PHACTR2: variants seen among roughly 807,000 people sequenced by gnomAD.
PHACTR2 encodes the protein phosphatase and actin regulator 2.
Under a neutral mutation model 76.0 loss-of-function variants are expected in PHACTR2, and 30 were observed. The observed-to-expected ratio is 0.39, with a 90% CI of 0.30 to 0.54. The LOEUF (loss-of-function observed/expected upper bound fraction) is 0.54. Ranked by LOEUF, PHACTR2 falls within the 20% of genes least tolerant of loss-of-function variation. The probability of loss-of-function intolerance (pLI) is 0.61; values close to 1 mark genes in which losing one functional copy is unlikely to be tolerated. For synonymous variants in PHACTR2, 292 were observed against 292.5 expected (o/e 1.00, Z 0.02); for missense variants, 696 against 781.1 (o/e 0.89, Z 1.30).
chr6:143,818,311 C>T lies in PHACTR2; in HGVS notation c.1923-5363C>T, dbSNP rs1375911609. On this transcript the variant is annotated intron_variant, in intron 12 of 12. Coordinates refer to ENST00000440869, the MANE Select transcript of PHACTR2 (RefSeq NM_001100164.2). The surrounding 1 kb of genome is among the most constrained non-coding windows in gnomAD (Gnocchi z 4.9). Reference sequence around the variant, plus strand: ...CTGAAATGTAGGTTAGGAAGACAGTCTGGAGCATAGCGCGTCCACTTACCA... The same window carrying T: ...CTGAAATGTAGGTTAGGAAGACAGTTTGGAGCATAGCGCGTCCACTTACCA... Among the ~76,000 whole-genome samples the T allele has an allele frequency of 6.6e-6, 1 of 152,164 alleles. No homozygotes were observed.
rs976359371 is a variant in PHACTR2, at chr6:143,760,728, C to T, written c.694+88C>T. On this transcript the variant is annotated intron_variant, in intron 5 of 12. Transcript: ENST00000440869. This position sits in a 1 kb window ranked among gnomAD's most constrained non-coding sequence, Gnocchi z 6.4. Reference sequence around the variant, plus strand: ...AATTGTTTCTTCTAGGTGTGATGGGCTTTTGGTGTCTTAGGACATTACACC... The same window carrying T: ...AATTGTTTCTTCTAGGTGTGATGGGTTTTTGGTGTCTTAGGACATTACACC... 3 of 1,440,452 alleles carry T rather than the reference C, an allele frequency of 2.1e-6. No homozygotes were observed. The highest frequency in any genetic ancestry group is 2.8e-6 in the Non-Finnish European group (3 of 1,066,392). The allele number at this position is 1,440,452 out of a possible 1,614,324, so 89.2% of individuals were successfully genotyped here.
intron 1 of PHACTR2, among the ~76,000 whole-genome samples, chr6:143,613,176 C>T (rs1417125066): frequency 2.0e-5 from 3 of 152,216 alleles, no homozygotes; most frequent in African/African-American, 4.8e-5. Context: ...GGGGTTTCAC[C>T]GTGTTAGCCA....
At chr6:143,779,678 A>G (rs1775372409) in intron 9 of PHACTR2, among the ~76,000 whole-genome samples, 1 of 152,058 alleles carries the variant, frequency 6.6e-6, no homozygotes, top group Admixed American at 6.6e-5. Flanking sequence ...GGCAAACTAG[A>G]AAACTAATTC....
At position 143,592,868 on chromosome 6, in the gene PHACTR2, G is replaced by A. The variant is rs1266918054; in HGVS notation, c.217+55661G>A. Among the ~76,000 whole-genome samples, 3 of 151,588 alleles carry A rather than the reference G, an allele frequency of 2.0e-5. No individual in the cohort carries two copies. Among genetic ancestry groups the A allele is most frequent in the Admixed American group, 1.3e-4 (2 of 15,200 alleles). On this transcript the variant is annotated intron_variant, in intron 1 of 11. Transcript: ENST00000367584. The surrounding 1 kb of genome is among the most constrained non-coding windows in gnomAD (Gnocchi z 4.0). ...TTTGAGACCCAGGCTGCAAAATGGCGAAACCCTGTCTCTACAAAAAATAAA... is the reference window on the plus strand; with the variant it reads ...TTTGAGACCCAGGCTGCAAAATGGCAAAACCCTGTCTCTACAAAAAATAAA...
Position 143,653,816 on chromosome 6 carries a change from T to G in PHACTR2, c.13+45494T>G, listed in dbSNP as rs1454707940. On this transcript the variant is annotated intron_variant, in intron 1 of 11. Coordinates refer to the PHACTR2 transcript ENST00000305766. This position sits in a 1 kb window ranked among gnomAD's most constrained non-coding sequence, Gnocchi z 4.9. Reference sequence around the variant, plus strand: ...TCATGACCTTGAATTAGGCAATTATTTCTTTAAAATATGACACTAAAAGCA... The same window carrying G: ...TCATGACCTTGAATTAGGCAATTATGTCTTTAAAATATGACACTAAAAGCA... Among the ~76,000 whole-genome samples the G allele has an allele frequency of 6.6e-6, 1 of 152,154 alleles. No individual in the cohort carries two copies. Among genetic ancestry groups the G allele is most frequent in the Non-Finnish European group, 1.5e-5 (1 of 68,026 alleles).
intron 1 of PHACTR2, among the ~76,000 whole-genome samples, chr6:143,706,170 C>T (rs1562276754): frequency 1.3e-5 from 2 of 152,136 alleles, no homozygotes; most frequent in Admixed American, 6.5e-5. Context: ...TTTTTGAGCA[C>T]TTTCTGGGAC....
upstream of PHACTR2, chr6:143,608,173 T>G: frequency 1.2e-6 from 1 of 835,382 alleles, no homozygotes; most frequent in Non-Finnish European, 2.0e-6. This position sits in a 1 kb window ranked among gnomAD's most constrained non-coding sequence, Gnocchi z 4.6. Flanking sequence ...CGGTGTCTCC[T>G]GCAGACAGTG....
rs1776359443 is a variant in PHACTR2, at chr6:143,818,990, C to T, written c.1923-4684C>T. ...GTTGTGGTTGACTCTTCCTAGAAAACATTTTGGAATGTCCTGTCAGGTGGG... is the reference window on the plus strand; with the variant it reads ...GTTGTGGTTGACTCTTCCTAGAAAATATTTTGGAATGTCCTGTCAGGTGGG... On this transcript the variant is annotated intron_variant, in intron 12 of 12. Coordinates refer to ENST00000440869, the MANE Select transcript of PHACTR2 (RefSeq NM_001100164.2). The surrounding 1 kb of genome is among the most constrained non-coding windows in gnomAD (Gnocchi z 4.9). Among the ~76,000 whole-genome samples the T allele has an allele frequency of 6.6e-6, 1 of 152,130 alleles. No individual in the cohort carries two copies. Among genetic ancestry groups the T allele is most frequent in the Admixed American group, 6.5e-5 (1 of 15,274 alleles).
In PHACTR2 at chr6:143,698,173, T is replaced by C. The variant is rs1373686652; in HGVS notation, c.47-13843T>C. Among the ~76,000 whole-genome samples, 1 of 152,220 alleles carries C rather than the reference T, an allele frequency of 6.6e-6. No individual in the cohort carries two copies. The highest frequency in any genetic ancestry group is 1.5e-5 in the Non-Finnish European group (1 of 68,044). On this transcript the variant is annotated intron_variant, in intron 1 of 12. Transcript: ENST00000440869. This position sits in a 1 kb window ranked among gnomAD's most constrained non-coding sequence, Gnocchi z 4.3. Reference sequence around the variant, plus strand: ...GCTAGTTGGTTTGATGGTGCTCTAATTGGATTCAGAGGCTTTCTGTGTGTG... The same window carrying C: ...GCTAGTTGGTTTGATGGTGCTCTAACTGGATTCAGAGGCTTTCTGTGTGTG...
chr6:143,564,183 ATGTGTGTGTG>A (rs1422717241), intron 1 of PHACTR2, among the ~76,000 whole-genome samples: 1 of 27,862 alleles, frequency 3.6e-5, no homozygotes, highest in African/African-American at 9.9e-5. Context: ...GTGTGTGTGT[ATGTGTGTGTG>A]TGCATATATA....
rs1332920556 is a variant in PHACTR2 at position 143,656,661 on chromosome 6, T to C, written c.13+48339T>C. Among the ~76,000 whole-genome samples the C allele has an allele frequency of 6.6e-6, 1 of 152,156 alleles. No homozygotes were observed. Among genetic ancestry groups the C allele is most frequent in the African/African-American group, 2.4e-5 (1 of 41,428 alleles). On this transcript the variant is annotated intron_variant, in intron 1 of 11. Coordinates refer to the PHACTR2 transcript ENST00000305766. The surrounding 1 kb of genome is among the most constrained non-coding windows in gnomAD (Gnocchi z 5.3). ...GTAAATATTACACCCGGTGTGTTGA[T>C]TAATGAATAGATGTGATCATAGAAG...
chr6:143,635,354 T>C (rs1776433029), intron 1 of PHACTR2, among the ~76,000 whole-genome samples: 1 of 151,180 alleles, frequency 6.6e-6, no homozygotes, highest in African/African-American at 2.5e-5. Flanking sequence ...GTGTGTGTTT[T>C]CTGTTACAAA....
chr6:143,629,053 T>G (rs558569785), intron 1 of PHACTR2, among the ~76,000 whole-genome samples: 4 of 148,862 alleles, frequency 2.7e-5, no homozygotes, highest in East Asian at 2.0e-4. Context: ...TCAAGTCACA[T>G]GTTCAGTAAG....
intron 5 of PHACTR2, among the ~76,000 whole-genome samples, chr6:143,762,022 A>G (rs186444905): frequency 2.1e-4 from 32 of 152,234 alleles, no homozygotes; most frequent in African/African-American, 6.5e-4. Flanking sequence ...ATGTGCCAAC[A>G]GTGCCCAGTG....
At position 143,592,843 on chromosome 6, in the gene PHACTR2, T is replaced by C. The variant is rs1775707368; in HGVS notation, c.217+55636T>C. Among the ~76,000 whole-genome samples, 1 of 150,984 alleles carries C rather than the reference T, an allele frequency of 6.6e-6. No individual in the cohort carries two copies. The highest frequency in any genetic ancestry group is 1.5e-5 in the Non-Finnish European group (1 of 67,748). Reference sequence around the variant, plus strand: ...CGAGCAGATTACTTGAGCCTAGGAGTTTGAGACCCAGGCTGCAAAATGGCG... The same window carrying C: ...CGAGCAGATTACTTGAGCCTAGGAGCTTGAGACCCAGGCTGCAAAATGGCG... On this transcript the variant is annotated intron_variant, in intron 1 of 11. Coordinates refer to the PHACTR2 transcript ENST00000367584. This position sits in a 1 kb window ranked among gnomAD's most constrained non-coding sequence, Gnocchi z 4.0.
chr6:143,626,808 G>T (rs1198738464), intron 1 of PHACTR2, among the ~76,000 whole-genome samples: 1 of 152,216 alleles, frequency 6.6e-6, no homozygotes, highest in Non-Finnish European at 1.5e-5. Flanking sequence ...GACAGGGAAG[G>T]GTTTTAGCAA....
At position 143,782,379 on chromosome 6, in the gene PHACTR2, A is replaced by G. The variant is rs149969093; in HGVS notation, c.1646-840A>G. Among the ~76,000 whole-genome samples, 70 of 152,356 alleles carry G rather than the reference A, an allele frequency of 4.6e-4. No individual in the cohort carries two copies. Among genetic ancestry groups the G allele is most frequent in the African/African-American group, 1.7e-3 (70 of 41,582 alleles). On this transcript the variant is annotated intron_variant, in intron 9 of 12. Transcript: ENST00000440869. This position sits in a 1 kb window ranked among gnomAD's most constrained non-coding sequence, Gnocchi z 4.6. ...AATCTTTCATAAGCATCGGTATCCA[A>G]GAAGCAAAATGTATGCTCACTGATC...
intron 1 of PHACTR2, among the ~76,000 whole-genome samples, chr6:143,560,882 G>GGGGGGTGTGT (rs1467042988): frequency 7.5e-6 from 1 of 133,016 alleles, no homozygotes; most frequent in African/African-American, 2.9e-5. Context: ...AAAGCAGAGG[G>GGGGGGTGTGT]GTGTGTGTGT....
intron 1 of PHACTR2, among the ~76,000 whole-genome samples, chr6:143,655,157 CAAA>C (rs151076366): frequency 4.0e-5 from 4 of 99,096 alleles, no homozygotes; most frequent in Non-Finnish European, 8.0e-5. Flanking sequence ...AACTCCGTCT[CAAA>C]AAAAAAAAAA....
Sources: gnomAD v4.1 joint callset for allele counts (sites outside exome capture counted in the v4.1 genomes callset) on GRCh38, gnomAD v4.1.1 for gene constraint, Gnocchi (gnomAD v3.1) non-coding constraint, MANE v1.5 for transcripts, NCBI Gene and HGNC (gene_info 2026-07-23, HGNC 2026-07-21) for gene names.